OCA2: variants seen among roughly 807,000 people sequenced by gnomAD.
The protein encoded by OCA2 is OCA2 melanosomal transmembrane protein.
OCA2 carries 77 observed loss-of-function variants against 100.2 expected under a neutral mutation model. The ratio of observed to expected loss-of-function variants is 0.77; its 90% CI spans 0.64 to 0.93. OCA2 has a LOEUF of 0.93. Among genes scored for constraint, OCA2 ranks in the 40% least tolerant of loss-of-function variants. OCA2 has a pLI of 0.00. For synonymous variants in OCA2, 432 were observed against 439.2 expected (o/e 0.98, Z 0.21); for missense variants, 1,062 against 1,089.1 (o/e 0.98, Z 0.35).
At chr15:27,801,751 C>T (rs1445902066) in intron 23 of OCA2, among the ~76,000 whole-genome samples, 4 of 152,030 alleles carry the variant, frequency 2.6e-5, no homozygotes, top group South Asian at 2.1e-4. Flanking sequence ...AATAAAAAGT[C>T]TCTGCATACC....
At chr15:27,864,830 G>A (rs2036260728) in intron 21 of OCA2, among the ~76,000 whole-genome samples, 1 of 152,020 alleles carries the variant, frequency 6.6e-6, no homozygotes, top group South Asian at 2.1e-4. Flanking sequence ...GACTGTCAGG[G>A]AATTCTCAGT....
intron 5 of OCA2, among the ~76,000 whole-genome samples, chr15:28,024,184 C>G (rs2042678208): frequency 1.3e-5 from 2 of 152,324 alleles, no homozygotes; most frequent in South Asian, 4.2e-4. Context: ...ATGGGTCCAT[C>G]TGCTAGGACC....
chr15:27,926,319 A>G, intron 18 of OCA2, 65 bp from the exon 19 acceptor site: 1 of 1,580,888 alleles, frequency 6.3e-7, no homozygotes, highest in Non-Finnish European at 8.7e-7. Flanking sequence ...CATTTCTTTA[A>G]CCTCTGGTTG....
intron 23 of OCA2, among the ~76,000 whole-genome samples, chr15:27,817,813 G>A (rs1398882754): frequency 6.6e-6 from 1 of 152,066 alleles, no homozygotes; most frequent in African/African-American, 2.4e-5. Context: ...ATAAACTTTG[G>A]GGATCCTTAT....
At chr15:27,755,909 G>A (rs1003409735) in intron 23 of OCA2, among the ~76,000 whole-genome samples, 34 of 152,214 alleles carry the variant, frequency 2.2e-4, no homozygotes, top group African/African-American at 8.0e-4. Flanking sequence ...AGGCCAAGGA[G>A]AGCTTGATAA....
intron 23 of OCA2, 85 bp from the exon 24 acceptor site, chr15:27,755,557 C>T: frequency 1.9e-6 from 2 of 1,027,280 alleles, no homozygotes; most frequent in Non-Finnish European, 3.1e-6. Flanking sequence ...GAGAACATGG[C>T]CTTAGCACCT....
chr15:27,832,127 T>C (rs189654324), intron 23 of OCA2, among the ~76,000 whole-genome samples: 72 of 152,292 alleles, frequency 4.7e-4, no homozygotes, highest in African/African-American at 1.7e-3. Flanking sequence ...GACCAAACTC[T>C]GCATTTCTCC....
At chr15:28,024,248 C>T (rs184780723) in intron 5 of OCA2, among the ~76,000 whole-genome samples, 3 of 152,250 alleles carry the variant, frequency 2.0e-5, no homozygotes, top group East Asian at 3.9e-4. Flanking sequence ...GAGCAGCCCT[C>T]GCCCTCCCCT....
intron 23 of OCA2, among the ~76,000 whole-genome samples, chr15:27,796,733 C>T (rs1185596257): frequency 6.6e-6 from 1 of 152,232 alleles, no homozygotes; most frequent in African/African-American, 2.4e-5. Flanking sequence ...TTCCTGGCCC[C>T]AGGTTGGAAG....
At chr15:27,735,459 C>T in the OCA2 span, among the ~76,000 whole-genome samples, 5,025 of 151,990 alleles carry the variant, frequency 0.033, 180 homozygotes, top group African/African-American at 0.095. Flanking sequence ...GAAATAATAG[C>T]GGAAAACTTT....
chr15:27,962,881 A>C (rs192192107), intron 15 of OCA2, among the ~76,000 whole-genome samples: 1 of 152,218 alleles, frequency 6.6e-6, no homozygotes, highest in Non-Finnish European at 1.5e-5. Flanking sequence ...GGATGCTAAT[A>C]TATGCTGCTT....
chr15:27,904,072 C>T (rs921784667), intron 19 of OCA2, among the ~76,000 whole-genome samples: 2 of 152,158 alleles, frequency 1.3e-5, no homozygotes, highest in Non-Finnish European at 2.9e-5. Flanking sequence ...TCTCCTTTCC[C>T]TTTATTCAGC....
chr15:27,810,509 G>GTAACTAAATTA (rs2034034165), intron 23 of OCA2, among the ~76,000 whole-genome samples: 3 of 152,116 alleles, frequency 2.0e-5, no homozygotes, highest in African/African-American at 7.2e-5. Flanking sequence ...AAATAAATGG[G>GTAACTAAATTA]ACCTAATTAA....
At chr15:27,826,752 C>T (rs1023699262) in intron 23 of OCA2, among the ~76,000 whole-genome samples, 7 of 152,304 alleles carry the variant, frequency 4.6e-5, no homozygotes, top group South Asian at 2.1e-4. Flanking sequence ...TGAACCCCAG[C>T]GGCCTAAGGC....
At chr15:28,001,665 C>T (rs1236185456) in intron 9 of OCA2, among the ~76,000 whole-genome samples, 2 of 151,958 alleles carry the variant, frequency 1.3e-5, no homozygotes, top group Non-Finnish European at 2.9e-5. Context: ...TGCAGAGAAA[C>T]TTCCAAATGA....
At position 27,985,306 on chromosome 15, in the gene OCA2, A is replaced by G. The variant is rs1595765234; in HGVS notation, c.1240-118T>C. 8 of 1,234,490 alleles carry G rather than the reference A, an allele frequency of 6.5e-6. No individual in the cohort carries two copies. In the East Asian group the frequency reaches 2.0e-4, roughly 31 times the overall value. The allele number at this position is 1,234,490 out of a possible 1,614,324, so 76.5% of individuals were successfully genotyped here. On this transcript the variant is annotated intron_variant, in intron 12 of 23. Transcript: ENST00000354638. Reference sequence around the variant, plus strand: ...CCAAACTAACATTACCCCATGGGTTAAGACATAGACCCACGGAGTCCTAGG... The same window carrying G: ...CCAAACTAACATTACCCCATGGGTTGAGACATAGACCCACGGAGTCCTAGG...
At chr15:28,091,003 G>A (rs2044861332) in intron 1 of OCA2, among the ~76,000 whole-genome samples, 1 of 152,164 alleles carries the variant, frequency 6.6e-6, no homozygotes. Context: ...GAGTGAAACA[G>A]GAAATACCAT....
At chr15:27,879,412 G>A (rs1472269473) in intron 19 of OCA2, among the ~76,000 whole-genome samples, 1 of 152,022 alleles carries the variant, frequency 6.6e-6, no homozygotes, top group East Asian at 1.9e-4. Flanking sequence ...TGGGCCCTAG[G>A]TCTCTGAGGA....
At chr15:27,882,876 G>T (rs2037077263) in intron 19 of OCA2, among the ~76,000 whole-genome samples, 1 of 152,124 alleles carries the variant, frequency 6.6e-6, no homozygotes, top group Admixed American at 6.5e-5. Context: ...TCTAAGCCTT[G>T]CCATCTTGCT....
Sources: allele counts gnomAD v4.1 joint callset (sites outside exome capture counted in the v4.1 genomes callset), GRCh38; gene constraint gnomAD v4.1.1; transcripts MANE v1.5; gene names NCBI Gene and HGNC (gene_info 2026-07-23, HGNC 2026-07-21).